The following EEF2K variants were observed in gnomAD, a reference collection of about 807,000 sequenced individuals.
EEF2K encodes alternative protein EEF2K.
A neutral mutation model predicts 93.8 loss-of-function variants in EEF2K; 70 were observed. The ratio of observed to expected loss-of-function variants is 0.75; its 90% CI spans 0.62 to 0.91. The LOEUF (loss-of-function observed/expected upper bound fraction) is 0.91, where lower values mean the gene tolerates loss of function less well. Ranked by LOEUF, EEF2K falls within the 40% of genes least tolerant of loss-of-function variation. The pLI is 0.00. For missense variants in EEF2K, 935 were observed against 972.9 expected (o/e 0.96, Z 0.52); for synonymous variants, 376 against 380.8 (o/e 0.99, Z 0.15).
At chr16:22,250,615 G>A in intron 4 of EEF2K, 39 bp from the exon 5 acceptor site, 1 of 1,614,044 alleles carries the variant, frequency 6.2e-7, no homozygotes, top group Non-Finnish European at 8.5e-7. Flanking sequence ...TTTTGGGTGG[G>A]GCATGGGGAC....
intron 17 of EEF2K, among the ~76,000 whole-genome samples, chr16:22,282,636 C>T (rs1383918165): frequency 2.6e-5 from 4 of 152,220 alleles, no homozygotes; most frequent in African/African-American, 9.6e-5. Flanking sequence ...TTGCTTTCTA[C>T]GTCTCTTGCT....
chr16:22,222,751 G>A (rs1315464224), intron 1 of EEF2K, among the ~76,000 whole-genome samples: 4 of 151,118 alleles, frequency 2.6e-5, no homozygotes, highest in African/African-American at 7.3e-5. Context: ...GGGCACAGTG[G>A]TGCGTGTCTG....
At chr16:22,220,583 A>G (rs370213599) in intron 1 of EEF2K, among the ~76,000 whole-genome samples, 3 of 152,128 alleles carry the variant, frequency 2.0e-5, no homozygotes, top group African/African-American at 7.2e-5. Flanking sequence ...AGCTGGGACT[A>G]CAGGCACACA....
rs77297429 is a variant in EEF2K at position 22,227,939 on chromosome 16, A to G, written c.246+1964A>G. Reference sequence around the variant, plus strand: ...TAGGAACACCCCATCTTTATTAAAGAAAAAAAAAAAGAAAAAATGCTTACA... The same window carrying G: ...TAGGAACACCCCATCTTTATTAAAGGAAAAAAAAAAGAAAAAATGCTTACA... On this transcript the variant is annotated intron_variant, in intron 2 of 17. Transcript: ENST00000263026. 9.3e-4 allele frequency among the ~76,000 whole-genome samples: 137 copies of G among 147,406 alleles called. 5 individuals carry two copies. The South Asian group carries it at 0.019, about 21-fold the overall frequency.
chr16:22,212,455 G>C (rs903059067), intron 1 of EEF2K, among the ~76,000 whole-genome samples: 2 of 151,970 alleles, frequency 1.3e-5, no homozygotes, highest in Non-Finnish European at 2.9e-5. Flanking sequence ...TCCTAAAGTA[G>C]CTGGGATTAC....
chr16:22,233,311 A>G (rs751246836), intron 2 of EEF2K, among the ~76,000 whole-genome samples: 14 of 152,162 alleles, frequency 9.2e-5, no homozygotes, highest in South Asian at 2.1e-4. Context: ...TGTCATTTCT[A>G]CATTTTCTAG....
intron 1 of EEF2K, among the ~76,000 whole-genome samples, chr16:22,207,548 T>C (rs771243276): frequency 6.6e-6 from 1 of 152,022 alleles, no homozygotes; most frequent in African/African-American, 2.4e-5. Flanking sequence ...GATGAGTATG[T>C]ATATGTCAGG....
chr16:22,252,387 G>A (rs1350766224), intron 6 of EEF2K, among the ~76,000 whole-genome samples: 2 of 152,112 alleles, frequency 1.3e-5, no homozygotes, highest in Admixed American at 1.3e-4. Context: ...TAGCACTCTG[G>A]CCCCCAGCAG....
intron 10 of EEF2K, among the ~76,000 whole-genome samples, chr16:22,259,203 G>A (rs2047438692): frequency 6.6e-6 from 1 of 152,190 alleles, no homozygotes; most frequent in Non-Finnish European, 1.5e-5. Context: ...CTGAAAGAGT[G>A]GAGTTTGCTG....
chr16:22,256,736 C>G lies in EEF2K; in HGVS notation c.619-12C>G. On this transcript the variant is annotated splice_polypyrimidine_tract_variant and intron_variant, in intron 6 of 17. Coordinates refer to ENST00000263026, the MANE Select transcript of EEF2K (RefSeq NM_013302.5). ...GGGCCCTCCCGCCTGAGCCCACTCC[C>G]CATCCCACCAGGTGGACATCATGCA... 2 of 1,612,956 alleles carry G rather than the reference C, an allele frequency of 1.2e-6. No homozygotes were observed. Among genetic ancestry groups the G allele is most frequent in the Non-Finnish European group, 1.7e-6 (2 of 1,179,532 alleles).
At chr16:22,252,936 T>C (rs1009210383) in intron 6 of EEF2K, among the ~76,000 whole-genome samples, 35 of 152,108 alleles carry the variant, frequency 2.3e-4, no homozygotes, top group African/African-American at 8.2e-4. Flanking sequence ...ATGATTCAAT[T>C]ATCTCCTACC....
Position 22,280,247 on chromosome 16 carries a change from A to T in EEF2K, c.1939A>T (p.Met647Leu), listed in dbSNP as rs2047679513. 1.0e-5 allele frequency: 16 copies of T among 1,601,780 alleles called. No homozygotes were observed. The East Asian group carries it at 3.7e-4, about 37-fold the overall frequency. The change falls in exon 17 of 18, where the codon ATG becomes TTG. Residue 647 changes from methionine to leucine, a missense_variant. Coordinates refer to ENST00000263026, the MANE Select transcript of EEF2K (RefSeq NM_013302.5). ...ALHWYNTALEMTDCDEGGEYD... is the reference protein window; with the variant it reads ...ALHWYNTALELTDCDEGGEYD... ...GCACTGGTACAACACTGCCCTGGAG[A>T]TGACGGACTGTGATGAGGGCGGTGA...
At chr16:22,228,772 G>T (rs181502699) in intron 2 of EEF2K, among the ~76,000 whole-genome samples, 2 of 152,070 alleles carry the variant, frequency 1.3e-5, no homozygotes, top group Admixed American at 1.3e-4. Context: ...CTCGAGCTTC[G>T]GGGTAAGGGA....
At chr16:22,280,663 C>CTTTTTTTTTTT (rs11289061) in intron 17 of EEF2K, among the ~76,000 whole-genome samples, 1 of 130,190 alleles carries the variant, frequency 7.7e-6, no homozygotes, top group Non-Finnish European at 1.6e-5. Context: ...TCCTTTCTTT[C>CTTTTTTTTTTT]TTTTTTTTTT....
chr16:22,255,125 A>G (rs189010133), intron 6 of EEF2K, among the ~76,000 whole-genome samples: 5 of 152,330 alleles, frequency 3.3e-5, no homozygotes, highest in Admixed American at 1.3e-4. Context: ...AATAAGTTTA[A>G]TTCACAGACT....
At chr16:22,274,360 C>T (rs2047614332) in intron 16 of EEF2K, among the ~76,000 whole-genome samples, 1 of 151,104 alleles carries the variant, frequency 6.6e-6, no homozygotes, top group South Asian at 2.1e-4. Flanking sequence ...AGGAGAATCG[C>T]TTGAACCCGG....
intron 15 of EEF2K, among the ~76,000 whole-genome samples, chr16:22,269,179 T>G (rs2047553182): frequency 1.3e-5 from 2 of 152,208 alleles, no homozygotes; most frequent in Non-Finnish European, 1.5e-5. Context: ...AATCAAGGTG[T>G]CAGTAGAGCC....
intron 2 of EEF2K, among the ~76,000 whole-genome samples, chr16:22,232,837 A>G (rs1163924989): frequency 2.0e-5 from 3 of 150,998 alleles, no homozygotes; most frequent in Non-Finnish European, 2.9e-5. Context: ...ACAACAGCTC[A>G]GCTTTCCAAC....
At chr16:22,272,822 T>C (rs914648701) in intron 15 of EEF2K, among the ~76,000 whole-genome samples, 3 of 152,032 alleles carry the variant, frequency 2.0e-5, no homozygotes, top group African/African-American at 7.2e-5. Flanking sequence ...TCACCACGCC[T>C]GGTTAATTTT....
Sources: allele counts gnomAD v4.1 joint callset (sites outside exome capture counted in the v4.1 genomes callset), GRCh38; gene constraint gnomAD v4.1.1; transcripts MANE v1.5; gene names NCBI Gene and HGNC (gene_info 2026-07-23, HGNC 2026-07-21).